PON1: variants seen among roughly 807,000 people sequenced by gnomAD.
The protein encoded by PON1 is paraoxonase 1.
In PON1, 37 loss-of-function variants were observed where a neutral mutation model predicts 39.2. The ratio of observed to expected loss-of-function variants is 0.94; its 90% CI spans 0.73 to 1.24. The LOEUF is 1.24. PON1 is among the 50% of genes most tolerant of loss of function. The pLI, the probability that PON1 is intolerant of heterozygous loss-of-function variation, is 0.00. For synonymous variants in PON1, 148 were observed against 152.2 expected (o/e 0.97, Z 0.21); for missense variants, 397 against 413.5 (o/e 0.96, Z 0.35).
intron 8 of PON1, among the ~76,000 whole-genome samples, 173 bp from the exon 9 acceptor site, chr7:95,299,275 G>A (rs1262721109): frequency 6.6e-6 from 1 of 152,248 alleles, no homozygotes; most frequent in East Asian, 1.9e-4. Flanking sequence ...GAACAGGTGG[G>A]TACTGATCTC....
At chr7:95,306,185 C>A (rs1807537060) in intron 7 of PON1, 100 bp downstream of exon 7, 1 of 1,027,472 alleles carries the variant, frequency 9.7e-7, no homozygotes. Context: ...TGGTTCTCAC[C>A]CACCCCAATT....
intron 4 of PON1, among the ~76,000 whole-genome samples, 199 bp downstream of exon 4, chr7:95,315,121 AAT>A (rs1807736028): frequency 6.6e-6 from 1 of 152,218 alleles, no homozygotes; most frequent in African/African-American, 2.4e-5. Context: ...ACAAATCTTA[AAT>A]ATTTTAGCAT....
rs898917675 is a variant in PON1 at position 95,310,027 on chromosome 7, A to G, written c.497+1424T>C. Among the ~76,000 whole-genome samples, 9 of 152,186 alleles carry G rather than the reference A, an allele frequency of 5.9e-5. No individual in the cohort carries two copies. In the East Asian group the frequency reaches 9.6e-4, roughly 16 times the overall value. ...TACTCCAATCCGGTAACGTAGACCAATCTGAGATTTCCAAGATTAAATGTT... is the reference window on the plus strand; with the variant it reads ...TACTCCAATCCGGTAACGTAGACCAGTCTGAGATTTCCAAGATTAAATGTT... On this transcript the variant is annotated intron_variant, in intron 5 of 8. Coordinates refer to ENST00000222381, the MANE Select transcript of PON1 (RefSeq NM_000446.7).
intron 1 of PON1, among the ~76,000 whole-genome samples, chr7:95,320,965 G>GT (rs1401823030): frequency 2.0e-5 from 3 of 152,196 alleles, no homozygotes; most frequent in African/African-American, 7.2e-5. Context: ...AAGAAAAAAG[G>GT]TTTATTTGGC....
intron 2 of PON1, among the ~76,000 whole-genome samples, chr7:95,318,060 T>G (rs1002472363): frequency 7.4e-5 from 11 of 148,954 alleles, no homozygotes; most frequent in Admixed American, 2.1e-4. Flanking sequence ...TCAAACATTA[T>G]TCTATTTTTC....
chr7:95,319,751 G>A (rs1467789409), intron 1 of PON1, among the ~76,000 whole-genome samples: 2 of 152,196 alleles, frequency 1.3e-5, no homozygotes, highest in Non-Finnish European at 2.9e-5. Context: ...AAAAGGGGAA[G>A]TGATAAAGCA....
chr7:95,312,069 G>C (rs1449451913), intron 4 of PON1, among the ~76,000 whole-genome samples: 1 of 152,212 alleles, frequency 6.6e-6, no homozygotes, highest in African/African-American at 2.4e-5. Flanking sequence ...ACACAAAGGT[G>C]ACCAGTCTAA....
chr7:95,302,645 A>T (rs953494739), intron 7 of PON1, among the ~76,000 whole-genome samples: 2 of 152,186 alleles, frequency 1.3e-5, no homozygotes, highest in Non-Finnish European at 2.9e-5. Flanking sequence ...AAAAAAAAGA[A>T]GTTTTCGGTG....
At chr7:95,316,056 A>G (rs893925938) in intron 3 of PON1, among the ~76,000 whole-genome samples, 16 of 152,234 alleles carry the variant, frequency 1.1e-4, no homozygotes, top group Admixed American at 6.5e-4. Flanking sequence ...CAGGATGACT[A>G]GTCTATCATC....
At chr7:95,322,271 T>TATATA (rs1554608144) in intron 1 of PON1, among the ~76,000 whole-genome samples, 4 of 146,580 alleles carry the variant, frequency 2.7e-5, no homozygotes, top group African/African-American at 1.0e-4. Context: ...TGCCTGATTT[T>TATATA]TATATATATA....
chr7:95,299,703 T>C (rs540334773), intron 8 of PON1, among the ~76,000 whole-genome samples: 1 of 152,248 alleles, frequency 6.6e-6, no homozygotes, highest in Non-Finnish European at 1.5e-5. Flanking sequence ...AGACTCCAAA[T>C]TCTTCAGTTT....
intron 1 of PON1, among the ~76,000 whole-genome samples, chr7:95,321,686 G>A (rs1019869976): frequency 1.3e-5 from 2 of 152,076 alleles, no homozygotes; most frequent in African/African-American, 2.4e-5. Flanking sequence ...ATGATACTAA[G>A]GACTCTTCCC....
intron 8 of PON1, among the ~76,000 whole-genome samples, chr7:95,300,067 A>G (rs1807387917): frequency 6.6e-6 from 1 of 152,346 alleles, no homozygotes; most frequent in South Asian, 2.1e-4. Flanking sequence ...CTAAATGTAT[A>G]AGATTTTGTA....
intron 8 of PON1, 137 bp from the exon 9 acceptor site, chr7:95,299,239 CTT>C (rs1454101289): frequency 2.3e-5 from 21 of 919,156 alleles, no homozygotes; most frequent in Middle Eastern, 2.2e-4. Context: ...CAAAATTACA[CTT>C]AACACACCTG....
chr7:95,307,979 T>C, intron 6 of PON1, 32 bp downstream of exon 6: 1 of 1,570,832 alleles, frequency 6.4e-7, no homozygotes, highest in Non-Finnish European at 8.8e-7. Flanking sequence ...AGAATCTGAG[T>C]AAATCCACTA....
chr7:95,298,064 C>CAAG lies in PON1; in HGVS notation c.*877_*879dup, dbSNP rs1191404418. On this transcript the variant is annotated 3_prime_UTR_variant, in exon 9 of 9. Coordinates refer to ENST00000222381, the MANE Select transcript of PON1 (RefSeq NM_000446.7). ...TTTTTTTTCTTTTCAGCCTCCACAA[C>CAAG]AAGAAGTTTAAATATTAAACAAAAA... 1.3e-5 allele frequency: 2 copies of CAAG among 152,050 alleles called. No individual in the cohort carries two copies. Among genetic ancestry groups the CAAG allele is most frequent in the African/African-American group, 2.4e-5 (1 of 41,398 alleles). The allele number at this position is 152,050 out of a possible 1,614,324, so 9.4% of individuals were successfully genotyped here.
chr7:95,317,393 A>G (rs961047490), intron 2 of PON1, among the ~76,000 whole-genome samples: 5 of 152,082 alleles, frequency 3.3e-5, no homozygotes, highest in African/African-American at 1.2e-4. Context: ...ACTATTTGAT[A>G]GGTATTTCTA....
intron 7 of PON1, 114 bp downstream of exon 7, chr7:95,306,171 A>T (rs1222967899): frequency 5.8e-6 from 5 of 869,294 alleles, no homozygotes; most frequent in Non-Finnish European, 9.7e-6. Context: ...AAGGAGTGAA[A>T]AATTGGTTCT....
At chr7:95,321,356 G>A (rs1807892948) in intron 1 of PON1, among the ~76,000 whole-genome samples, 1 of 152,154 alleles carries the variant, frequency 6.6e-6, no homozygotes, top group African/African-American at 2.4e-5. Context: ...GCAGAAAAAA[G>A]CAGAGATCTT....
Sources: gnomAD v4.1 joint callset for allele counts (sites outside exome capture counted in the v4.1 genomes callset) on GRCh38, gnomAD v4.1.1 for gene constraint, MANE v1.5 for transcripts, NCBI Gene and HGNC (gene_info 2026-07-23, HGNC 2026-07-21) for gene names.